The following TLK1 variants were observed in gnomAD, a reference collection of about 807,000 sequenced individuals.
TLK1 encodes the protein tousled like kinase 1.
A neutral mutation model predicts 105.3 loss-of-function variants in TLK1; 24 were observed. That is an observed-to-expected ratio of 0.23 (90% CI 0.17 to 0.32). The LOEUF (loss-of-function observed/expected upper bound fraction) is 0.32, where lower values mean the gene tolerates loss of function less well. Ranked by LOEUF, TLK1 falls within the 10% of genes least tolerant of loss-of-function variation. The pLI, the probability that TLK1 is intolerant of heterozygous loss-of-function variation, is 1.00. For missense variants in TLK1, 558 were observed against 910.5 expected (o/e 0.61, Z 4.98); for synonymous variants, 321 against 310.4 (o/e 1.03, Z -0.36).
chr2:171,148,680 C>G (rs936093285), intron 1 of TLK1, among the ~76,000 whole-genome samples: 1 of 151,686 alleles, frequency 6.6e-6, no homozygotes, highest in South Asian at 2.1e-4. Flanking sequence ...GTCAGGCGTT[C>G]GAGACCAGCC....
At chr2:171,023,412 C>CAT (rs1326053168) in intron 12 of TLK1, among the ~76,000 whole-genome samples, 1 of 143,154 alleles carries the variant, frequency 7.0e-6, no homozygotes, top group East Asian at 2.0e-4. Flanking sequence ...TGCACTCACA[C>CAT]ATACACACAC....
intron 1 of TLK1, among the ~76,000 whole-genome samples, chr2:171,151,002 T>C (rs1692007062): frequency 6.6e-6 from 1 of 152,046 alleles, no homozygotes; most frequent in Non-Finnish European, 1.5e-5. Flanking sequence ...CTGCTAAATA[T>C]TCTCTATGTG....
At chr2:171,051,678 T>G (rs1208378130) in intron 8 of TLK1, among the ~76,000 whole-genome samples, 4 of 152,202 alleles carry the variant, frequency 2.6e-5, no homozygotes, top group Admixed American at 2.0e-4. Flanking sequence ...CTGTTATTTA[T>G]GTTCACTGTT....
chr2:171,199,908 AAAG>A (rs1227058781), intron 1 of TLK1, among the ~76,000 whole-genome samples: 1 of 152,214 alleles, frequency 6.6e-6, no homozygotes, highest in South Asian at 2.1e-4. Context: ...TAAGGTAAAA[AAAG>A]AAGCTTTCCC....
upstream of TLK1, chr2:171,161,019 A>T: frequency 3.6e-5 from 1 of 27,704 alleles, no homozygotes; most frequent in Non-Finnish European, 7.6e-5. Flanking sequence ...GGCTTGGGGG[A>T]GGGACCTGCC....
chr2:171,036,390 C>G (rs1042320980), intron 11 of TLK1, among the ~76,000 whole-genome samples: 3 of 151,824 alleles, frequency 2.0e-5, no homozygotes, highest in African/African-American at 7.3e-5. Flanking sequence ...CTCTGTCTCC[C>G]CCCCCAAAAA....
At chr2:171,215,066 G>A (rs534109406) in intron 1 of TLK1, among the ~76,000 whole-genome samples, 27 of 151,776 alleles carry the variant, frequency 1.8e-4, no homozygotes, top group Middle Eastern at 3.4e-3. Flanking sequence ...TTAGTCTCCC[G>A]AGTAGCTGGG....
intron 2 of TLK1, 33 bp downstream of exon 2, chr2:171,117,706 A>T (rs140137667): frequency 2.6e-6 from 4 of 1,523,320 alleles, no homozygotes; most frequent in Non-Finnish European, 3.6e-6. Flanking sequence ...ATAGAAAGAA[A>T]GACTGTCAAA....
intron 12 of TLK1, chr2:171,022,859 G>A (rs1685592713): frequency 3.9e-6 from 1 of 255,870 alleles, no homozygotes; most frequent in Non-Finnish European, 7.9e-6. Context: ...AGAATATTTG[G>A]GGGTCAATTC....
intron 2 of TLK1, among the ~76,000 whole-genome samples, chr2:171,086,920 G>C (rs1236760366): frequency 2.0e-5 from 3 of 152,104 alleles, no homozygotes; most frequent in African/African-American, 7.2e-5. Context: ...TCTTTGGCTG[G>C]TCAGTGATCT....
At chr2:171,030,759 T>C (rs1370934643) in intron 11 of TLK1, among the ~76,000 whole-genome samples, 3 of 152,188 alleles carry the variant, frequency 2.0e-5, no homozygotes, top group African/African-American at 7.2e-5. Flanking sequence ...TTTCTTTCTA[T>C]ATAGAAATTC....
chr2:171,151,246 T>C (rs1328533649), intron 1 of TLK1, among the ~76,000 whole-genome samples: 4 of 151,992 alleles, frequency 2.6e-5, no homozygotes, highest in Non-Finnish European at 5.9e-5. Context: ...CTCGAACTCC[T>C]GCGCTCAAGC....
intron 1 of TLK1, among the ~76,000 whole-genome samples, chr2:171,215,074 G>A (rs1451877448): frequency 1.3e-5 from 2 of 152,066 alleles, no homozygotes; most frequent in Non-Finnish European, 2.9e-5. Context: ...CCGAGTAGCT[G>A]GGACTACAGG....
intron 1 of TLK1, among the ~76,000 whole-genome samples, chr2:171,147,800 T>C (rs1163617722): frequency 2.0e-5 from 3 of 152,314 alleles, no homozygotes; most frequent in Middle Eastern, 3.4e-3. Context: ...GGCTTTAGAA[T>C]TGATCACATG....
chr2:171,028,095 G>A (rs1685862872), intron 12 of TLK1, among the ~76,000 whole-genome samples: 1 of 152,162 alleles, frequency 6.6e-6, no homozygotes, highest in African/African-American at 2.4e-5. Flanking sequence ...CCAGGGAGGT[G>A]GAGGTTGCAC....
At chr2:171,135,529 G>A (rs1053169603) in intron 1 of TLK1, among the ~76,000 whole-genome samples, 3 of 151,956 alleles carry the variant, frequency 2.0e-5, no homozygotes, top group Non-Finnish European at 2.9e-5. Context: ...GGCCAGGCAC[G>A]GTGGTTCATG....
At position 170,992,672 on chromosome 2, in the gene TLK1, T is replaced by A. The variant is rs1559327440; in HGVS notation, c.*1108A>T. 6.6e-6 allele frequency: 1 copy of A among 152,630 alleles called. No individual in the cohort carries two copies. Among genetic ancestry groups the A allele is most frequent in the Non-Finnish European group, 1.5e-5 (1 of 68,006 alleles). 9.5% of individuals were successfully genotyped at this position (152,630 alleles called of 1,614,324 possible). A position where few individuals can be genotyped will look rare whatever the true frequency, so the allele number is the denominator to read the frequency against. On this transcript the variant is annotated 3_prime_UTR_variant, in exon 21 of 21. Coordinates refer to ENST00000431350, the MANE Select transcript of TLK1 (RefSeq NM_012290.5). ...TGGATCACTTTTACATCTTGATTGT[T>A]AATGACTGTCTGCTTTTTAATATCT...
chr2:171,011,151 G>A (rs1313655442), intron 14 of TLK1, among the ~76,000 whole-genome samples: 1 of 151,908 alleles, frequency 6.6e-6, no homozygotes, highest in Non-Finnish European at 1.5e-5. Context: ...CTACATGTGT[G>A]CGCCACCACA....
chr2:171,195,170 G>A (rs1180495249), intron 1 of TLK1, among the ~76,000 whole-genome samples: 1 of 152,130 alleles, frequency 6.6e-6, no homozygotes, highest in Non-Finnish European at 1.5e-5. Flanking sequence ...CCCTTTTCCT[G>A]ACAAGATGTC....
Sources: gnomAD v4.1 joint callset for allele counts (sites outside exome capture counted in the v4.1 genomes callset) on GRCh38, gnomAD v4.1.1 for gene constraint, MANE v1.5 for transcripts, NCBI Gene and HGNC (gene_info 2026-07-23, HGNC 2026-07-21) for gene names.